The following SFXN2 variants were observed in gnomAD, a reference collection of about 807,000 sequenced individuals.
SFXN2 encodes the protein sideroflexin-2.
A neutral mutation model predicts 41.9 loss-of-function variants in SFXN2; 37 were observed. The observed-to-expected ratio is 0.88, with a 90% CI of 0.68 to 1.16. The LOEUF (loss-of-function observed/expected upper bound fraction) is 1.16, where lower values mean the gene tolerates loss of function less well. SFXN2 is among the 50% of genes most tolerant of loss of function. The pLI is 0.00. For synonymous variants in SFXN2, 150 were observed against 156.7 expected (o/e 0.96, Z 0.32); for missense variants, 386 against 425.2 (o/e 0.91, Z 0.81).
chr10:102,729,272 C>G, intron 4 of SFXN2, 47 bp from the exon 5 acceptor site: 1 of 1,598,344 alleles, frequency 6.3e-7, no homozygotes, highest in South Asian at 1.1e-5. Flanking sequence ...TGGTTTGGCC[C>G]TCAGCCGGCA....
At chr10:102,720,134 TACAA>T (rs1039218307) in intron 1 of SFXN2, among the ~76,000 whole-genome samples, 11 of 151,572 alleles carry the variant, frequency 7.3e-5, no homozygotes, top group African/African-American at 2.7e-4. Flanking sequence ...CTACTAAAAA[TACAA>T]ACAATTAGCT....
intron 9 of SFXN2, 93 bp downstream of exon 9, chr10:102,733,001 C>G: frequency 7.7e-7 from 1 of 1,298,932 alleles, no homozygotes; most frequent in South Asian, 1.2e-5. Flanking sequence ...CCCCACCCAT[C>G]CTTCCCTTTA....
intron 5 of SFXN2, 65 bp downstream of exon 5, chr10:102,729,459 C>A (rs553487404): frequency 2.5e-6 from 4 of 1,569,700 alleles, no homozygotes; most frequent in South Asian, 1.1e-5. Flanking sequence ...GGGAAAACGT[C>A]CTTCCCCCAG....
intron 1 of SFXN2, among the ~76,000 whole-genome samples, chr10:102,720,198 A>G (rs2136028664): frequency 6.7e-6 from 1 of 148,522 alleles, no homozygotes; most frequent in Admixed American, 6.8e-5. Context: ...AGGCTGAGGC[A>G]GGAGAATTGC....
At chr10:102,717,664 C>A in intron 1 of SFXN2, 1 of 746,124 alleles carries the variant, frequency 1.3e-6, no homozygotes. Flanking sequence ...AGTTTTGCAA[C>A]TTCATGAAAG....
At chr10:102,725,955 T>C (rs1289163196) in intron 1 of SFXN2, among the ~76,000 whole-genome samples, 1 of 152,068 alleles carries the variant, frequency 6.6e-6, no homozygotes, top group Non-Finnish European at 1.5e-5. Context: ...GTTTTGTTTT[T>C]CCCCCCAAGA....
chr10:102,722,243 T>C (rs1264046913), intron 1 of SFXN2, among the ~76,000 whole-genome samples: 1 of 152,220 alleles, frequency 6.6e-6, no homozygotes, highest in African/African-American at 2.4e-5. Context: ...CAATTATACT[T>C]CTTTTGAAAA....
Position 102,739,346 on chromosome 10 carries a change from A to T in SFXN2, c.*1584A>T, listed in dbSNP as rs1297894365. The T allele has an allele frequency of 6.6e-6, 1 of 152,166 alleles. No individual in the cohort carries two copies. Among genetic ancestry groups the T allele is most frequent in the African/African-American group, 2.4e-5 (1 of 41,436 alleles). 9.4% of individuals were successfully genotyped at this position (152,166 alleles called of 1,614,324 possible). A position where few individuals can be genotyped will look rare whatever the true frequency, so the allele number is the denominator to read the frequency against. ...ATTTCCCTCATTAAAGGGGAAATCC[A>T]CCTGTCTCCACAGGAAGCTCCAGAT... is the stretch of plus-strand genomic sequence containing the variant. On this transcript the variant is annotated 3_prime_UTR_variant, in exon 12 of 12. Coordinates refer to ENST00000369893, the MANE Select transcript of SFXN2 (RefSeq NM_178858.6).
Position 102,737,949 on chromosome 10 carries a change from G to A in SFXN2, c.*187G>A. 2.5e-6 allele frequency: 1 copy of A among 403,418 alleles called. No individual in the cohort carries two copies. The highest frequency in any genetic ancestry group is 4.5e-6 in the Non-Finnish European group (1 of 222,222). The allele number at this position is 403,418 out of a possible 1,614,324, so 25.0% of individuals were successfully genotyped here. On this transcript the variant is annotated 3_prime_UTR_variant, in exon 12 of 12. Transcript: ENST00000369893. ...GTTGATTGGACCTCAGGGGAAAAAA[G>A]TGAAAAAGGGTAGCAAAGGCCAATG...
intron 1 of SFXN2, among the ~76,000 whole-genome samples, chr10:102,721,539 T>C (rs943787793): frequency 1.1e-4 from 16 of 147,752 alleles, no homozygotes; most frequent in African/African-American, 3.9e-4. Flanking sequence ...CATGTCTATA[T>C]AAATAAATGT....
In SFXN2 at chr10:102,742,837, G is replaced by A. The variant is rs897911556; in HGVS notation, c.*5075G>A. 2.0e-5 allele frequency: 3 copies of A among 152,186 alleles called. No individual in the cohort carries two copies. Among genetic ancestry groups the A allele is most frequent in the African/African-American group, 7.2e-5 (3 of 41,438 alleles). 9.4% of individuals were successfully genotyped at this position (152,186 alleles called of 1,614,324 possible). A position where few individuals can be genotyped will look rare whatever the true frequency, so the allele number is the denominator to read the frequency against. ...GATATTATAGGCTTTAAAAGAAGAA[G>A]AAGAAAGACCTGGTATGCTGTACAA... is the stretch of plus-strand genomic sequence containing the variant. On this transcript the variant is annotated 3_prime_UTR_variant, in exon 12 of 12. Coordinates refer to ENST00000369893, the MANE Select transcript of SFXN2 (RefSeq NM_178858.6).
chr10:102,716,162 C>T (rs2064408953), intron 1 of SFXN2: 1 of 152,000 alleles, frequency 6.6e-6, no homozygotes, highest in Non-Finnish European at 1.5e-5. Context: ...AGCCCACTTG[C>T]CTTGGAGTCA....
At chr10:102,726,382 C>T (rs1335799490) in intron 1 of SFXN2, 1 of 501,314 alleles carries the variant, frequency 2.0e-6, no homozygotes, top group Non-Finnish European at 3.6e-6. Context: ...TTTTCCAGTC[C>T]CTCCTGCTGT....
In SFXN2 at chr10:102,729,737, G is replaced by C. The variant is rs2064671576; in HGVS notation, c.522G>C (p.Leu174Phe). The change falls in exon 6 of 12, where the codon TTG becomes TTC. Residue 174 changes from leucine (L) to phenylalanine (F), a missense_variant. Leu to Phe is a conservative substitution (Grantham distance 22). Coordinates refer to ENST00000369893, the MANE Select transcript of SFXN2 (RefSeq NM_178858.6). ...MNMLTKKAPP[L>F]VGRWVPFAAV... The stretch of plus-strand genomic sequence containing the variant: ...TCCCCCAACAGAAAGCGCCGCCCTT[G>C]GTGGGCCGCTGGGTGCCCTTTGCCG... 1.9e-6 allele frequency: 3 copies of C among 1,614,016 alleles called. No individual in the cohort carries two copies. The highest frequency in any genetic ancestry group is 2.5e-6 in the Non-Finnish European group (3 of 1,180,038).
chr10:102,729,506 A>G, intron 5 of SFXN2, 112 bp downstream of exon 5: 1 of 1,334,348 alleles, frequency 7.5e-7, no homozygotes, highest in Admixed American at 2.1e-5. Flanking sequence ...GGGAATGGCC[A>G]GAGCCCGGCT....
At chr10:102,732,987 C>T in intron 9 of SFXN2, 79 bp downstream of exon 9, 3 of 1,405,618 alleles carry the variant, frequency 2.1e-6, no homozygotes, top group Non-Finnish European at 3.0e-6. Flanking sequence ...CCTGACCTGC[C>T]CTCCCCCACC....
intron 10 of SFXN2, 85 bp downstream of exon 10, chr10:102,733,688 G>T: frequency 9.1e-7 from 1 of 1,095,140 alleles, no homozygotes; most frequent in East Asian, 2.4e-5. Context: ...GTTGGAGAAC[G>T]TGTACTCCTT....
chr10:102,717,016 T>TGG (rs2064425887), intron 1 of SFXN2, among the ~76,000 whole-genome samples: 4 of 152,044 alleles, frequency 2.6e-5, no homozygotes, highest in African/African-American at 9.7e-5. Context: ...GTATCAAAAA[T>TGG]GCCCACTGTG....
chr10:102,728,614 G>A, intron 4 of SFXN2, 85 bp downstream of exon 4: 1 of 1,180,198 alleles, frequency 8.5e-7, no homozygotes. Context: ...TCCTTCCTGG[G>A]TAGCACCTGC....
Sources: gnomAD v4.1 joint callset for allele counts (sites outside exome capture counted in the v4.1 genomes callset) on GRCh38, gnomAD v4.1.1 for gene constraint, MANE v1.5 for transcripts, NCBI Gene and HGNC (gene_info 2026-07-23, HGNC 2026-07-21) for gene names.